Variants in SMG1 observed in about 807,000 individuals in gnomAD.
SMG1 encodes the protein serine/threonine-protein kinase SMG1.
In SMG1, 22 loss-of-function variants were observed where a neutral mutation model predicts 419.9. The observed-to-expected ratio is 0.05, with a 90% confidence interval of 0.04 to 0.07. SMG1 has a LOEUF of 0.07. Among genes scored for constraint, SMG1 ranks in the 10% least tolerant of loss-of-function variants. SMG1 has a pLI of 1.00. For missense variants in SMG1, 3,185 were observed against 4,342.0 expected, an observed-to-expected ratio of 0.73 and a Z score of 7.49; for synonymous variants, 1,538 against 1,553.5, an observed-to-expected ratio of 0.99 and a Z score of 0.23.
intron 19 of SMG1, among the ~76,000 whole-genome samples, chr16:18,869,505 G>A (rs1211681808): frequency 6.6e-6 from 1 of 152,176 alleles, no homozygotes; most frequent in African/African-American, 2.4e-5. Flanking sequence ...AGTGTGGAAG[G>A]ATGATTAGGG....
chr16:18,917,657 A>G (rs1398276204), intron 1 of SMG1, among the ~76,000 whole-genome samples: 1 of 150,826 alleles, frequency 6.6e-6, no homozygotes, highest in African/African-American at 2.4e-5. Flanking sequence ...AGTTCACCAC[A>G]ACCTTGGCCT....
In SMG1 at chr16:18,858,232, C is replaced by G. The variant is rs752088868; in HGVS notation, c.4172G>C (p.Arg1391Thr). 2.5e-6 allele frequency: 4 copies of G among 1,609,292 alleles called. No individual in the cohort carries two copies. Among genetic ancestry groups the G allele is most frequent in the Non-Finnish European group, 3.4e-6 (4 of 1,177,632 alleles). The change falls in exon 29 of 63, where the codon AGG (arginine) becomes ACG (threonine). Residue 1391 changes from arginine to threonine, a missense_variant. Coordinates refer to ENST00000446231, the MANE Select transcript of SMG1 (RefSeq NM_015092.5). The stretch of plus-strand genomic sequence containing the variant: ...ATACCTTAATGCCTGCATCCATGGC[C>G]TCACGTCATGCTGTTTACATGAACG... The part of the protein sequence containing the change: ...ALRSCKQHDV[R>T]PWMQALRYTM...
chr16:18,871,008 G>A (rs2035789133), intron 16 of SMG1, 120 bp from the exon 17 acceptor site: 1 of 651,730 alleles, frequency 1.5e-6, no homozygotes, highest in African/African-American at 1.8e-5. Context: ...CTATAGACTA[G>A]GCACTACTCT....
intron 59 of SMG1, 22 bp from the exon 60 acceptor site, chr16:18,815,303 C>T (rs904327255): frequency 6.5e-7 from 1 of 1,544,362 alleles, no homozygotes; most frequent in African/African-American, 1.4e-5. Context: ...AATAAAATGG[C>T]TTATTTACGA....
Position 18,808,762 on chromosome 16 carries a change from C to A in SMG1, c.*807G>T, listed in dbSNP as rs189110665. 6.5e-6 allele frequency: 1 copy of A among 152,688 alleles called. No homozygotes were observed. The highest frequency in any genetic ancestry group is 1.9e-4 in the East Asian group (1 of 5,184). The allele number at this position is 152,688 out of a possible 1,614,324, so 9.5% of individuals were successfully genotyped here. A position where few individuals can be genotyped will look rare whatever the true frequency, so the allele number is the denominator to read the frequency against. On this transcript the variant is annotated 3_prime_UTR_variant, in exon 63 of 63. Coordinates refer to ENST00000446231, the MANE Select transcript of SMG1 (RefSeq NM_015092.5). ...TTACATTTTGTGTGTGATCATCAGA[C>A]CTTTAAACAATCCTTGAATTTTCCA...
rs2035113580 is a variant in SMG1, at chr16:18,859,735, C to A, written c.3806-32G>T. The A allele has an allele frequency of 2.6e-6, 4 of 1,547,708 alleles. No homozygotes were observed. The African/African-American group carries it at 4.2e-5, about 16-fold the overall frequency. Reference sequence around the variant, plus strand: ...AAGTTAAATAAAACGTCATTAAGTTCATGTGCTTTTATTATAAATTTTGAT... The same window carrying A: ...AAGTTAAATAAAACGTCATTAAGTTAATGTGCTTTTATTATAAATTTTGAT... On this transcript the variant is annotated intron_variant, in intron 26 of 62. Transcript: ENST00000446231.
intron 12 of SMG1, 126 bp from the exon 13 acceptor site, chr16:18,876,519 G>C: frequency 8.1e-7 from 1 of 1,230,858 alleles, no homozygotes; most frequent in Non-Finnish European, 1.1e-6. Flanking sequence ...TCAATTCACT[G>C]TCCGTAGCAC....
chr16:18,903,965 T>C (rs1488675823), intron 1 of SMG1, among the ~76,000 whole-genome samples: 3 of 138,972 alleles, frequency 2.2e-5, no homozygotes, highest in Non-Finnish European at 4.6e-5. Context: ...TGAGATGTAG[T>C]CTCGCTCTGT....
chr16:18,905,043 T>C (rs898243653), intron 1 of SMG1, among the ~76,000 whole-genome samples: 1 of 151,906 alleles, frequency 6.6e-6, no homozygotes, highest in Middle Eastern at 3.2e-3. Context: ...AGGCAGATCA[T>C]GAGTTCAGGA....
At chr16:18,910,127 C>G (rs2037733822) in intron 1 of SMG1, among the ~76,000 whole-genome samples, 1 of 151,246 alleles carries the variant, frequency 6.6e-6, no homozygotes, top group African/African-American at 2.4e-5. Context: ...GAGACAGTGG[C>G]ACAATCACAG....
At chr16:18,815,855 ACT>A (rs2031951260) in intron 58 of SMG1, 1 of 563,700 alleles carries the variant, frequency 1.8e-6, no homozygotes, top group African/African-American at 1.9e-5. Flanking sequence ...TAAATTATTT[ACT>A]GTTTGTAATG....
chr16:18,835,829 A>T, intron 48 of SMG1, 104 bp downstream of exon 48: 1 of 1,062,480 alleles, frequency 9.4e-7, no homozygotes, highest in Non-Finnish European at 1.4e-6. Context: ...AACCTCAGAG[A>T]CGGAGGTTGC....
intron 33 of SMG1, among the ~76,000 whole-genome samples, chr16:18,851,651 AC>A (rs1244830500): frequency 2.0e-5 from 3 of 152,144 alleles, no homozygotes; most frequent in African/African-American, 7.2e-5. Context: ...CAAGTGGTTC[AC>A]CTGCCTCAGC....
intron 1 of SMG1, among the ~76,000 whole-genome samples, chr16:18,905,215 C>T (rs1567450198): frequency 6.6e-6 from 1 of 152,064 alleles, no homozygotes; most frequent in Non-Finnish European, 1.5e-5. Context: ...GAGCTGAGGT[C>T]GCGCCATTGC....
At chr16:18,907,660 C>T (rs2037617273) in intron 1 of SMG1, among the ~76,000 whole-genome samples, 1 of 151,880 alleles carries the variant, frequency 6.6e-6, no homozygotes, top group South Asian at 2.1e-4. Flanking sequence ...CCAGCCTGAC[C>T]AACATGGTGA....
chr16:18,827,983 T>G, intron 55 of SMG1, 48 bp downstream of exon 55: 1 of 1,575,254 alleles, frequency 6.3e-7, no homozygotes, highest in Non-Finnish European at 8.6e-7. Flanking sequence ...TAGTATTGGT[T>G]ATTTCTAAAA....
At chr16:18,850,589 A>G in intron 33 of SMG1, 122 bp from the exon 34 acceptor site, 1 of 649,812 alleles carries the variant, frequency 1.5e-6, no homozygotes, top group Admixed American at 2.8e-5. Flanking sequence ...TCCCACATTT[A>G]GTGTTATACA....
intron 11 of SMG1, chr16:18,879,097 T>C (rs1434081543): frequency 3.6e-6 from 1 of 276,100 alleles, no homozygotes; most frequent in Non-Finnish European, 7.0e-6. Context: ...AAGAAAATAA[T>C]ATAATAAAGC....
chr16:18,814,876 CCTTTTTT>C (rs2031849832), intron 60 of SMG1, among the ~76,000 whole-genome samples: 1 of 117,822 alleles, frequency 8.5e-6, no homozygotes, highest in African/African-American at 3.2e-5. Flanking sequence ...CCTCGCCCGG[CCTTTTTT>C]TTTTTTTTTT....
Sources: allele counts gnomAD v4.1 joint callset (sites outside exome capture counted in the v4.1 genomes callset), GRCh38; gene constraint gnomAD v4.1.1; transcripts MANE v1.5; gene names NCBI Gene and HGNC (gene_info 2026-07-23, HGNC 2026-07-21).